ITPR3: variants seen among roughly 807,000 people sequenced by gnomAD.
The protein encoded by ITPR3 is inositol 1,4,5-trisphosphate receptor type 3.
Under a neutral mutation model 293.2 loss-of-function variants are expected in ITPR3, and 173 were observed. The ratio of observed to expected loss-of-function variants is 0.59; its 90% CI spans 0.52 to 0.67. The LOEUF (loss-of-function observed/expected upper bound fraction) is 0.67. ITPR3 is among the 30% of genes least tolerant of loss of function. The pLI, the probability that ITPR3 is intolerant of heterozygous loss-of-function variation, is 0.00. For missense variants in ITPR3, 2,796 were observed against 3,592.1 expected, an observed-to-expected ratio of 0.78 and a Z score of 5.66; for synonymous variants, 1,295 against 1,444.4, an observed-to-expected ratio of 0.90 and a Z score of 2.35.
In ITPR3 at chr6:33,668,594, G is replaced by A. The variant is rs1207061530; in HGVS notation, c.1966G>A (p.Val656Met). 1.2e-6 allele frequency: 2 copies of A among 1,614,214 alleles called. No homozygotes were observed. Among genetic ancestry groups the A allele is most frequent in the Non-Finnish European group, 1.7e-6 (2 of 1,180,030 alleles). ...PVTQELICKC[V>M]LDPKNSDILI... ...CACCCAAGAGCTCATCTGCAAGTGT[G>A]TGCTGGACCCCAAGAACAGTGACAT... The change falls in exon 17 of 58, where the codon GTG becomes ATG. Residue 656 changes from valine (V) to methionine (M), a missense_variant. Around this residue, in one of 8 missense-constraint regions of ITPR3, gnomAD observed 955 missense variants for 1,180.8 expected, o/e 0.81. Transcript: ENST00000605930.
At chr6:33,685,254 C>T in intron 39 of ITPR3, 105 bp from the exon 40 acceptor site, 1 of 1,164,014 alleles carries the variant, frequency 8.6e-7, no homozygotes, top group South Asian at 1.5e-5. Context: ...GCAGCCAGGC[C>T]CCTGCAGCCC....
intron 2 of ITPR3, among the ~76,000 whole-genome samples, chr6:33,652,086 G>A (rs565774192): frequency 1.3e-5 from 2 of 152,238 alleles, no homozygotes; most frequent in Admixed American, 6.5e-5. Context: ...CAGCCCTTCC[G>A]GTCTCAGCTC....
intron 1 of ITPR3, among the ~76,000 whole-genome samples, chr6:33,623,582 C>G (rs1763489954): frequency 6.6e-6 from 1 of 152,010 alleles, no homozygotes; most frequent in South Asian, 2.1e-4. Flanking sequence ...CCCACCCCAG[C>G]CTTCCAAAGT....
At position 33,667,226 on chromosome 6, in the gene ITPR3, A is replaced by G. The variant is rs1420812323; in HGVS notation, c.1649A>G (p.Gln550Arg). 6.2e-7 allele frequency: 1 copy of G among 1,613,822 alleles called. No individual in the cohort carries two copies. Among genetic ancestry groups the G allele is most frequent in the Admixed American group, 1.7e-5 (1 of 60,000 alleles). Residue 550 changes from glutamine (Q) to arginine (R), a missense_variant, in exon 15 of 58, where the codon CAG (glutamine) becomes CGG (arginine). This residue lies in a region of ITPR3 where 955 missense variants were observed against 1,180.8 expected (regional missense o/e 0.81). Transcript: ENST00000605930. This position sits in a 1 kb window ranked among gnomAD's most constrained non-coding sequence, Gnocchi z 4.4. ...TCAGACCAGAAGAACGCCCCCTACC[A>G]GCACATGTTCCGCCTGTGCTACCGC... The part of the protein sequence containing the change: ...ELSDQKNAPY[Q>R]HMFRLCYRVL...
rs1300933892 is a variant in ITPR3 at position 33,683,279 on chromosome 6, G to C, written c.4670G>C (p.Ser1557Thr). The C allele has an allele frequency of 6.4e-7, 1 of 1,574,384 alleles. No individual in the cohort carries two copies. Among genetic ancestry groups the C allele is most frequent in the Non-Finnish European group, 8.6e-7 (1 of 1,160,270 alleles). ...HISSMLSSGA[S>T]CAAAAQRNAS... ...AGCTCGATGCTCAGCAGTGGAGCCA[G>C]CTGTGCAGCTGCCGCCCAGCGGAAC... The change falls in exon 35 of 58, where the codon AGC becomes ACC. Residue 1557 changes from serine to threonine, a missense_variant. Coordinates refer to ENST00000605930, the MANE Select transcript of ITPR3 (RefSeq NM_002224.4). The surrounding 1 kb of genome is among the most constrained non-coding windows in gnomAD (Gnocchi z 4.5).
chr6:33,645,530 C>A lies in ITPR3; in HGVS notation c.160+4976C>A, dbSNP rs142913076. 3.4e-3 allele frequency among the ~76,000 whole-genome samples: 520 copies of A among 152,214 alleles called. 3 individuals are homozygous for A. The highest frequency in any genetic ancestry group is 0.011 in the African/African-American group (464 of 41,542). On this transcript the variant is annotated intron_variant, in intron 2 of 57. Coordinates refer to ENST00000605930, the MANE Select transcript of ITPR3 (RefSeq NM_002224.4). ...ATTTCCAGCTTTTGGCAATTGCCTGCGATGCTGCAGTGAGCCTCCTTAGGC... is the reference window on the plus strand; with the variant it reads ...ATTTCCAGCTTTTGGCAATTGCCTGAGATGCTGCAGTGAGCCTCCTTAGGC...
In ITPR3 at chr6:33,686,092, T is replaced by C. The variant is rs1455909437; in HGVS notation, c.5707T>C (p.Leu1903=). 6.2e-7 allele frequency: 1 copy of C among 1,614,002 alleles called. No homozygotes were observed. The highest frequency in any genetic ancestry group is 8.5e-7 in the Non-Finnish European group (1 of 1,180,044). Reference sequence around the variant, plus strand: ...TCAGAACAACAAAACCAACTACAACTTGGTATGCGAGACGCTGCAGTTCCT... The same window carrying C: ...TCAGAACAACAAAACCAACTACAACCTGGTATGCGAGACGCTGCAGTTCCT... The part of the protein sequence containing the change: ...RCQNNKTNYN[L]VCETLQFLDI... The change falls in exon 42 of 58, where the codon TTG becomes CTG. Residue 1903 remains leucine, a synonymous_variant. Transcript: ENST00000605930.
At chr6:33,647,373 T>G (rs937288194) in intron 2 of ITPR3, among the ~76,000 whole-genome samples, 1 of 152,150 alleles carries the variant, frequency 6.6e-6, no homozygotes, top group African/African-American at 2.4e-5. Context: ...ACAAGGAGTT[T>G]CCCATCTTAA....
Position 33,675,289 on chromosome 6 carries a change from G to A in ITPR3, c.3117-402G>A, listed in dbSNP as rs1268196438. ...ATACAAAAATTAGCCGGGTGTGTTG[G>A]CACACACTGGTAATTCCAGCTACTC... On this transcript the variant is annotated intron_variant, in intron 24 of 57. Transcript: ENST00000605930. This position sits in a 1 kb window ranked among gnomAD's most constrained non-coding sequence, Gnocchi z 5.0. Among the ~76,000 whole-genome samples, 1 of 152,114 alleles carries A rather than the reference G, an allele frequency of 6.6e-6. No individual in the cohort carries two copies. The highest frequency in any genetic ancestry group is 1.9e-4 in the East Asian group (1 of 5,188).
rs1764605887 is a variant in ITPR3 at position 33,666,199 on chromosome 6, AAC to A, written c.1551+227_1551+228del. On this transcript the variant is annotated intron_variant, in intron 14 of 57. Coordinates refer to ENST00000605930, the MANE Select transcript of ITPR3 (RefSeq NM_002224.4). This position sits in a 1 kb window ranked among gnomAD's most constrained non-coding sequence, Gnocchi z 5.1. ...CCCGTTTTACTGGTGAGGAAGCTGA[AAC>A]ACAGGCCAGAGTCGCTGTCCCAGGG... Among the ~76,000 whole-genome samples, 1 of 152,036 alleles carries A rather than the reference AAC, an allele frequency of 6.6e-6. No homozygotes were observed. Among genetic ancestry groups the A allele is most frequent in the Non-Finnish European group, 1.5e-5 (1 of 68,034 alleles).
At chr6:33,628,852 G>A (rs957712132) in intron 1 of ITPR3, among the ~76,000 whole-genome samples, 4 of 152,122 alleles carry the variant, frequency 2.6e-5, no homozygotes, top group South Asian at 2.1e-4. Context: ...TCTCCCCATC[G>A]CTCAGCCAGC....
rs761958064 is a variant in ITPR3, at chr6:33,691,960, G to A, written c.7458+32G>A. On this transcript the variant is annotated intron_variant, in intron 54 of 57. Coordinates refer to ENST00000605930, the MANE Select transcript of ITPR3 (RefSeq NM_002224.4). This position sits in a 1 kb window ranked among gnomAD's most constrained non-coding sequence, Gnocchi z 4.9. Reference sequence around the variant, plus strand: ...ACTCCTGCCCACTCCCAAACCTGTGGGGCCCAAGCCACTGTCCAGATCAGC... The same window carrying A: ...ACTCCTGCCCACTCCCAAACCTGTGAGGCCCAAGCCACTGTCCAGATCAGC... The A allele has an allele frequency of 1.9e-6, 3 of 1,612,850 alleles. No homozygotes were observed. Among genetic ancestry groups the A allele is most frequent in the Admixed American group, 1.7e-5 (1 of 60,022 alleles).
At position 33,683,948 on chromosome 6, in the gene ITPR3, G is replaced by T; in HGVS notation, c.4789-72G>T. ...CAATCTGTGGGGCTGTTTGGCGTTT[G>T]GGTCGGAGGAATGGCAGTCACACCC... On this transcript the variant is annotated intron_variant, in intron 35 of 57. Transcript: ENST00000605930. The surrounding 1 kb of genome is among the most constrained non-coding windows in gnomAD (Gnocchi z 4.5). 1 of 1,515,310 alleles carries T rather than the reference G, an allele frequency of 6.6e-7. No homozygotes were observed. Among genetic ancestry groups the T allele is most frequent in the Non-Finnish European group, 8.9e-7 (1 of 1,127,344 alleles). The allele number at this position is 1,515,310 out of a possible 1,614,324, so 93.9% of individuals were successfully genotyped here.
Position 33,680,670 on chromosome 6 carries a change from C to A in ITPR3, c.4466C>A (p.Thr1489Asn), listed in dbSNP as rs761798898. Residue 1489 changes from threonine to asparagine, a missense_variant, in exon 33 of 58, where the codon ACT becomes AAT. Coordinates refer to ENST00000605930, the MANE Select transcript of ITPR3 (RefSeq NM_002224.4). Reference protein sequence around the residue: ...FFSSPFSENSTSLQTHQTIVV... With the variant: ...FFSSPFSENSNSLQTHQTIVV... ...AGCTCCCCATTCTCTGAGAACAGCACTTCCCTGCAGGTGAGCTTCTCCTCT... is the reference window on the plus strand; with the variant it reads ...AGCTCCCCATTCTCTGAGAACAGCAATTCCCTGCAGGTGAGCTTCTCCTCT... 5 of 1,613,154 alleles carry A rather than the reference C, an allele frequency of 3.1e-6. No individual in the cohort carries two copies. The highest frequency in any genetic ancestry group is 4.2e-6 in the Non-Finnish European group (5 of 1,179,256).
rs1329047444 is a variant in ITPR3, at chr6:33,658,302, A to G, written c.369+284A>G. On this transcript the variant is annotated intron_variant, in intron 4 of 57. Coordinates refer to ENST00000605930, the MANE Select transcript of ITPR3 (RefSeq NM_002224.4). This position sits in a 1 kb window ranked among gnomAD's most constrained non-coding sequence, Gnocchi z 6.1. Reference sequence around the variant, plus strand: ...TCAAATCTTGGCTCTGCCACTCCTAATGGTGTAACTTGGGCAAGTTACCTA... The same window carrying G: ...TCAAATCTTGGCTCTGCCACTCCTAGTGGTGTAACTTGGGCAAGTTACCTA... Among the ~76,000 whole-genome samples the G allele has an allele frequency of 1.3e-5, 2 of 152,174 alleles. No individual in the cohort carries two copies. The highest frequency in any genetic ancestry group is 2.4e-5 in the African/African-American group (1 of 41,432).
In ITPR3 at chr6:33,691,670, G is replaced by A; in HGVS notation, c.7281G>A (p.Gly2427=). ...CTGCATTTGTGGACACCTGCAGTGG[G>A]GACAAGATGGACTGTGTCTCAGGGC... The part of the protein sequence containing the change: ...GAAAFVDTCS[G]DKMDCVSGLS... Residue 2427 remains glycine (G), a synonymous_variant, in exon 53 of 58, where the codon GGG becomes GGA. Transcript: ENST00000605930. This position sits in a 1 kb window ranked among gnomAD's most constrained non-coding sequence, Gnocchi z 4.9. 6.2e-7 allele frequency: 1 copy of A among 1,614,054 alleles called. No homozygotes were observed. The highest frequency in any genetic ancestry group is 1.1e-5 in the South Asian group (1 of 91,056).
intron 2 of ITPR3, 146 bp downstream of exon 2, chr6:33,640,700 C>T (rs1312408444): frequency 3.1e-6 from 2 of 645,886 alleles, no homozygotes; most frequent in East Asian, 3.0e-5. Flanking sequence ...TCGGCGGAAT[C>T]CCCCTTGGCT....
Position 33,687,102 on chromosome 6 carries a change from C to T in ITPR3, c.6073C>T (p.Leu2025=). The change falls in exon 44 of 58, where the codon CTG becomes TTG. Residue 2025 remains leucine (L), a splice_region_variant and synonymous_variant. Coordinates refer to ENST00000605930, the MANE Select transcript of ITPR3 (RefSeq NM_002224.4). The surrounding 1 kb of genome is among the most constrained non-coding windows in gnomAD (Gnocchi z 5.3). ...CCTCATCAGCCTGCGGCCCCAGGAG[C>T]TGGTGAGGCTGGGCAGGTGGGCAGG... The part of the protein sequence containing the change: ...RILISLRPQE[L]VDVIKKAYLQ... The T allele has an allele frequency of 1.9e-6, 3 of 1,613,846 alleles. No individual in the cohort carries two copies. Among genetic ancestry groups the T allele is most frequent in the Non-Finnish European group, 2.5e-6 (3 of 1,179,870 alleles).
intron 1 of ITPR3, among the ~76,000 whole-genome samples, chr6:33,625,509 G>A (rs1051516132): frequency 5.3e-5 from 8 of 152,246 alleles, no homozygotes; most frequent in African/African-American, 1.9e-4. Context: ...GATTACAGCC[G>A]CGAGCCACTG....
Sources: gnomAD v4.1 joint callset for allele counts (sites outside exome capture counted in the v4.1 genomes callset) on GRCh38, gnomAD v4.1.1 for gene constraint, gnomAD v4.1.1 regional missense constraint, Gnocchi (gnomAD v3.1) non-coding constraint, MANE v1.5 for transcripts, NCBI Gene and HGNC (gene_info 2026-07-23, HGNC 2026-07-21) for gene names.